Variants in NECAB1 observed in about 807,000 individuals in gnomAD.
NECAB1 encodes N-terminal EF-hand calcium-binding protein 1.
NECAB1 carries 29 observed loss-of-function variants against 57.5 expected under a neutral mutation model. The ratio of observed to expected loss-of-function variants is 0.50; its 90% CI spans 0.38 to 0.69. The LOEUF is 0.69. Among genes scored for constraint, NECAB1 ranks in the 30% least tolerant of loss-of-function variants. The pLI, the probability that NECAB1 is intolerant of heterozygous loss-of-function variation, is 0.00. For missense variants in NECAB1, 372 were observed against 413.8 expected (o/e 0.90, Z 0.88); for synonymous variants, 142 against 147.7 (o/e 0.96, Z 0.28).
chr8:90,828,131 G>GTTTTTTTTTTTTTTTTTTTTT (rs397961666), intron 3 of NECAB1, among the ~76,000 whole-genome samples: 1 of 143,498 alleles, frequency 7.0e-6, no homozygotes, highest in Non-Finnish European at 1.5e-5. Context: ...GTTCACTGCA[G>GTTTTTTTTTTTTTTTTTTTTT]TTTTTTTTTT....
intron 5 of NECAB1, among the ~76,000 whole-genome samples, chr8:90,891,445 G>T (rs1809165168): frequency 6.6e-6 from 1 of 151,822 alleles, no homozygotes; most frequent in African/African-American, 2.4e-5. Context: ...TACATATTAT[G>T]CCATTTTGTG....
chr8:90,942,031 G>A (rs1317771747), intron 10 of NECAB1, among the ~76,000 whole-genome samples: 2 of 151,986 alleles, frequency 1.3e-5, no homozygotes, highest in African/African-American at 2.4e-5. Context: ...CATGTCTCTG[G>A]GTGTTTTGCT....
In NECAB1 at chr8:90,958,901, A is replaced by T; in HGVS notation, c.*3389A>T. ...TTTTAGAGAAGTCAAATAGCCAACC[A>T]TCAAAATTAAGAATAAATTGAATTG... On this transcript the variant is annotated 3_prime_UTR_variant, in exon 13 of 13. Coordinates refer to ENST00000417640, the MANE Select transcript of NECAB1 (RefSeq NM_022351.5). 1 of 662,710 alleles carries T rather than the reference A, an allele frequency of 1.5e-6. No homozygotes were observed. Among genetic ancestry groups the T allele is most frequent in the Non-Finnish European group, 2.4e-6 (1 of 412,670 alleles). 41.1% of individuals were successfully genotyped at this position (662,710 alleles called of 1,614,324 possible).
chr8:90,929,844 G>A (rs182734608), intron 8 of NECAB1, among the ~76,000 whole-genome samples: 34 of 152,346 alleles, frequency 2.2e-4, no homozygotes, highest in Non-Finnish European at 3.8e-4. Context: ...CATGAGCAAG[G>A]TGATGGCATC....
At chr8:90,842,824 C>T (rs1259194521) in intron 3 of NECAB1, among the ~76,000 whole-genome samples, 1 of 152,070 alleles carries the variant, frequency 6.6e-6, no homozygotes, top group Admixed American at 6.6e-5. Flanking sequence ...GTTGCTAAGG[C>T]CTTTATGGGT....
At chr8:90,942,249 G>A (rs186417212) in intron 10 of NECAB1, among the ~76,000 whole-genome samples, 211 of 152,274 alleles carry the variant, frequency 1.4e-3, no homozygotes, top group Admixed American at 3.3e-3. Flanking sequence ...CATATGCAGT[G>A]CTCAGCACAA....
intron 5 of NECAB1, among the ~76,000 whole-genome samples, chr8:90,912,139 GCTGA>G (rs968005635): frequency 6.6e-6 from 1 of 152,048 alleles, no homozygotes; most frequent in Non-Finnish European, 1.5e-5. Flanking sequence ...TCAGATTTGG[GCTGA>G]CTCTCTAGAT....
chr8:90,838,180 G>C (rs1197067261), intron 3 of NECAB1, among the ~76,000 whole-genome samples: 6 of 152,122 alleles, frequency 3.9e-5, no homozygotes, highest in Non-Finnish European at 1.5e-5. Context: ...AGAAAGTACA[G>C]TAAGTCTTCA....
chr8:90,922,785 G>A (rs886399705), intron 6 of NECAB1, among the ~76,000 whole-genome samples: 2 of 152,128 alleles, frequency 1.3e-5, no homozygotes, highest in East Asian at 1.9e-4. Context: ...GAGCCACCAC[G>A]CCTGGCCAAA....
chr8:90,842,661 C>T (rs1463920), intron 3 of NECAB1, among the ~76,000 whole-genome samples: 47,080 of 152,178 alleles, frequency 0.31, 8,369 homozygotes, highest in East Asian at 0.73. Context: ...CACTCAGAGA[C>T]GTTTCCAATG....
At position 90,807,115 on chromosome 8, in the gene NECAB1, C is replaced by T. The variant is rs1811860025; in HGVS notation, c.124+5400C>T. ...TCTTGAATATGATGTTCTGATGCTT[C>T]AATATGTGGTAGTTTAATTGATTTA... On this transcript the variant is annotated intron_variant, in intron 2 of 12. Coordinates refer to ENST00000417640, the MANE Select transcript of NECAB1 (RefSeq NM_022351.5). Among the ~76,000 whole-genome samples, 3 of 152,076 alleles carry T rather than the reference C, an allele frequency of 2.0e-5. No homozygotes were observed. The South Asian group carries it at 6.2e-4, about 31-fold the overall frequency.
chr8:90,948,449 T>A (rs1410747749), intron 10 of NECAB1, among the ~76,000 whole-genome samples: 6 of 152,174 alleles, frequency 3.9e-5, no homozygotes, highest in Admixed American at 3.9e-4. Flanking sequence ...AATCTCTGTG[T>A]GTAGTTACTG....
At chr8:90,808,640 CTTTTTTTTTTTT>C (rs200075536) in intron 2 of NECAB1, among the ~76,000 whole-genome samples, 6 of 81,274 alleles carry the variant, frequency 7.4e-5, no homozygotes, top group African/African-American at 3.1e-4. Context: ...TTTTTCTTTT[CTTTTTTTTTTTT>C]TTTTTTTTTT....
chr8:90,875,086 A>G (rs894430993), intron 4 of NECAB1, among the ~76,000 whole-genome samples: 3 of 152,216 alleles, frequency 2.0e-5, no homozygotes, highest in African/African-American at 7.2e-5. Flanking sequence ...CTTCAGGAGT[A>G]TAATTACTAC....
chr8:90,886,527 TTTTG>T (rs1312192250), intron 5 of NECAB1, among the ~76,000 whole-genome samples: 1 of 151,962 alleles, frequency 6.6e-6, no homozygotes, highest in African/African-American at 2.4e-5. Context: ...TCTCTCTCTC[TTTTG>T]TTTTTGTTTT....
At chr8:90,889,674 A>T (rs1403224804) in intron 5 of NECAB1, among the ~76,000 whole-genome samples, 1 of 152,150 alleles carries the variant, frequency 6.6e-6, no homozygotes, top group Non-Finnish European at 1.5e-5. Flanking sequence ...TGTGGCTTCC[A>T]TTTGTCACCA....
chr8:90,863,126 A>G (rs1338768252), intron 3 of NECAB1, among the ~76,000 whole-genome samples: 1 of 152,100 alleles, frequency 6.6e-6, no homozygotes, highest in Non-Finnish European at 1.5e-5. Flanking sequence ...AATAAAAAAA[A>G]GAACGTACTT....
At chr8:90,897,038 A>G (rs1024190378) in intron 5 of NECAB1, among the ~76,000 whole-genome samples, 4 of 151,810 alleles carry the variant, frequency 2.6e-5, no homozygotes, top group African/African-American at 9.7e-5. Flanking sequence ...TTCCTTCTAT[A>G]TAGAAGTACC....
intron 5 of NECAB1, among the ~76,000 whole-genome samples, chr8:90,886,155 C>T (rs1474752653): frequency 1.5e-4 from 23 of 152,094 alleles, no homozygotes; most frequent in Admixed American, 1.5e-3. Context: ...GGATATTTAG[C>T]TTTTTACTTA....
Sources: gnomAD v4.1 joint callset for allele counts (sites outside exome capture counted in the v4.1 genomes callset) on GRCh38, gnomAD v4.1.1 for gene constraint, MANE v1.5 for transcripts, NCBI Gene and HGNC (gene_info 2026-07-23, HGNC 2026-07-21) for gene names.